Variants in TRABD2A observed in about 807,000 individuals in gnomAD.
TRABD2A encodes TraB domain containing 2A.
Under a neutral mutation model 45.6 loss-of-function variants are expected in TRABD2A, and 43 were observed. The observed-to-expected ratio is 0.94, with a 90% CI of 0.74 to 1.22. The LOEUF is 1.22. Among genes scored for constraint, TRABD2A ranks in the 50% most tolerant of loss-of-function variants. TRABD2A has a pLI of 0.00. For synonymous variants in TRABD2A, 269 were observed against 265.0 expected, an observed-to-expected ratio of 1.02 and a Z score of -0.15; for missense variants, 642 against 652.4, an observed-to-expected ratio of 0.98 and a Z score of 0.17.
intron 6 of TRABD2A, 25 bp downstream of exon 6, chr2:84,823,928 A>G (rs1573912561): frequency 6.2e-7 from 1 of 1,611,614 alleles, no homozygotes; most frequent in Non-Finnish European, 8.5e-7. Flanking sequence ...GTGGATGCCA[A>G]CCCGACCCAG....
At chr2:84,847,805 G>T (rs1359359999) in intron 2 of TRABD2A, among the ~76,000 whole-genome samples, 1 of 152,168 alleles carries the variant, frequency 6.6e-6, no homozygotes, top group Non-Finnish European at 1.5e-5. Context: ...GAATTGTATT[G>T]CCTCACCATT....
intron 6 of TRABD2A, among the ~76,000 whole-genome samples, 155 bp downstream of exon 6, chr2:84,823,798 T>C (rs1373791892): frequency 6.6e-6 from 1 of 152,100 alleles, no homozygotes; most frequent in African/African-American, 2.4e-5. Flanking sequence ...TTCGCTTCTG[T>C]CACAGTGGAC....
In TRABD2A at chr2:84,824,042, G is replaced by A. The variant is rs779506562; in HGVS notation, c.1245C>T (p.Ala415=). The A allele has an allele frequency of 1.9e-6, 3 of 1,613,730 alleles. No individual in the cohort carries two copies. The highest frequency in any genetic ancestry group is 1.7e-5 in the Admixed American group (1 of 59,974). Residue 415 remains alanine, a synonymous_variant, in exon 6 of 7, where the codon GCC becomes GCT. Coordinates refer to ENST00000409520, the MANE Select transcript of TRABD2A (RefSeq NM_001277053.2). ...TCCGCTTCTTCCGGAACCTCTGTTC[G>A]GCCTCACTGGGCGTGTCGGCACTTC... The part of the protein sequence containing the change: ...RPGSADTPSE[A]EQRFRKKRRR...
At chr2:84,853,274 A>C (rs1023660091) in intron 2 of TRABD2A, among the ~76,000 whole-genome samples, 10 of 151,932 alleles carry the variant, frequency 6.6e-5, no homozygotes, top group African/African-American at 2.4e-4. Flanking sequence ...CATACCCAAG[A>C]CTGGGTAATT....
At chr2:84,847,031 C>A (rs1681920974) in intron 2 of TRABD2A, among the ~76,000 whole-genome samples, 1 of 152,214 alleles carries the variant, frequency 6.6e-6, no homozygotes, top group Admixed American at 6.5e-5. Context: ...AGGGGCAGGG[C>A]CCTGCTGAAG....
intron 1 of TRABD2A, among the ~76,000 whole-genome samples, chr2:84,875,371 G>T (rs1682994663): frequency 6.6e-6 from 1 of 152,204 alleles, no homozygotes; most frequent in Non-Finnish European, 1.5e-5. Context: ...CCATGTACTG[G>T]AAGACCAGCA....
At chr2:84,825,246 T>C (rs1681115333) in intron 5 of TRABD2A, among the ~76,000 whole-genome samples, 1 of 152,168 alleles carries the variant, frequency 6.6e-6, no homozygotes, top group South Asian at 2.1e-4. Flanking sequence ...TTACTTAGCC[T>C]TGAGGAACCA....
At chr2:84,822,947 A>T (rs976589128) in intron 6 of TRABD2A, among the ~76,000 whole-genome samples, 3 of 152,164 alleles carry the variant, frequency 2.0e-5, no homozygotes, top group African/African-American at 7.2e-5. Flanking sequence ...TCTTTAACGC[A>T]ATCGTTCCCT....
At chr2:84,848,432 C>T (rs1465473378) in intron 2 of TRABD2A, among the ~76,000 whole-genome samples, 2 of 150,728 alleles carry the variant, frequency 1.3e-5, no homozygotes, top group Non-Finnish European at 3.0e-5. Flanking sequence ...TCTCCACTTT[C>T]GTTTTGCTGC....
chr2:84,879,610 C>T (rs1414671171), intron 1 of TRABD2A: 1 of 985,174 alleles, frequency 1.0e-6, no homozygotes, highest in Non-Finnish European at 1.2e-6. Flanking sequence ...AATTACCAGT[C>T]GGTAATAGGT....
At chr2:84,866,053 G>A (rs918567278) in intron 2 of TRABD2A, among the ~76,000 whole-genome samples, 4 of 152,228 alleles carry the variant, frequency 2.6e-5, no homozygotes, top group South Asian at 4.1e-4. Context: ...CCAGGCATCC[G>A]TGTCAGGGTC....
intron 1 of TRABD2A, among the ~76,000 whole-genome samples, chr2:84,872,718 C>A (rs938493070): frequency 6.6e-6 from 1 of 152,184 alleles, no homozygotes; most frequent in Non-Finnish European, 1.5e-5. Context: ...TTAGCAAATA[C>A]TAAACTGTTG....
chr2:84,822,151 C>T (rs971786614), intron 6 of TRABD2A, 51 bp from the exon 7 acceptor site: 1 of 1,469,102 alleles, frequency 6.8e-7, no homozygotes, highest in African/African-American at 1.4e-5. Context: ...GAAACCACTG[C>T]ACACGCCAAG....
At chr2:84,875,867 C>T (rs1439897161) in intron 1 of TRABD2A, among the ~76,000 whole-genome samples, 1 of 152,048 alleles carries the variant, frequency 6.6e-6, no homozygotes, top group African/African-American at 2.4e-5. Flanking sequence ...GTGGCAGGCA[C>T]CTCCAGTCCC....
chr2:84,845,041 C>A (rs1055893321), intron 2 of TRABD2A, among the ~76,000 whole-genome samples: 7 of 152,192 alleles, frequency 4.6e-5, no homozygotes, highest in Non-Finnish European at 8.8e-5. Flanking sequence ...TGTGTATGGG[C>A]CACATCACAG....
chr2:84,868,441 T>C (rs978493616), intron 2 of TRABD2A, among the ~76,000 whole-genome samples: 2 of 82,296 alleles, frequency 2.4e-5, no homozygotes, highest in Non-Finnish European at 4.9e-5. Flanking sequence ...TGTCATGGGG[T>C]AGGGGGAGGG....
intron 4 of TRABD2A, among the ~76,000 whole-genome samples, chr2:84,838,677 A>C (rs1239966480): frequency 1.3e-5 from 2 of 151,888 alleles, no homozygotes; most frequent in Admixed American, 1.3e-4. Context: ...AATTTATTTC[A>C]AGAAGCCCAC....
At chr2:84,839,827 A>G (rs1337124989) in intron 3 of TRABD2A, among the ~76,000 whole-genome samples, 4 of 152,242 alleles carry the variant, frequency 2.6e-5, no homozygotes, top group East Asian at 3.9e-4. Context: ...GCTTTCCCCA[A>G]TGTTCTTTGC....
At chr2:84,841,761 A>AT in intron 3 of TRABD2A, 100 bp downstream of exon 3, 1 of 1,271,012 alleles carries the variant, frequency 7.9e-7, no homozygotes, top group Non-Finnish European at 1.0e-6. Flanking sequence ...AGCCCTCATG[A>AT]CCTCAATCCT....
Sources: allele counts gnomAD v4.1 joint callset (sites outside exome capture counted in the v4.1 genomes callset), GRCh38; gene constraint gnomAD v4.1.1; transcripts MANE v1.5; gene names NCBI Gene and HGNC (gene_info 2026-07-23, HGNC 2026-07-21).